NRXN3: variants seen among roughly 807,000 people sequenced by gnomAD.
NRXN3 encodes the protein neurexin III.
NRXN3 carries 32 observed loss-of-function variants against 137.6 expected under a neutral mutation model. The ratio of observed to expected loss-of-function variants is 0.23; its 90% CI spans 0.18 to 0.31. The LOEUF (loss-of-function observed/expected upper bound fraction) is 0.31, where lower values mean the gene tolerates loss of function less well. NRXN3 is among the 10% of genes least tolerant of loss of function. The pLI, the probability that NRXN3 is intolerant of heterozygous loss-of-function variation, is 1.00. For missense variants in NRXN3, 1,574 were observed against 2,062.5 expected (o/e 0.76, Z 4.59); for synonymous variants, 798 against 784.5 (o/e 1.02, Z -0.29).
intron 1 of NRXN3, among the ~76,000 whole-genome samples, chr14:78,215,619 T>C (rs1426281778): frequency 6.6e-6 from 1 of 152,116 alleles, no homozygotes; most frequent in Non-Finnish European, 1.5e-5. Flanking sequence ...TGGAGGTCTT[T>C]ATAAAGAGAA....
At chr14:79,039,719 C>A (rs369317006) in intron 15 of NRXN3, among the ~76,000 whole-genome samples, 1 of 152,092 alleles carries the variant, frequency 6.6e-6, no homozygotes, top group South Asian at 2.1e-4. Flanking sequence ...CAGGGTCTTG[C>A]TCTGTTGCCC....
intron 10 of NRXN3, among the ~76,000 whole-genome samples, chr14:78,950,831 G>A (rs1270228541): frequency 2.0e-5 from 3 of 152,104 alleles, no homozygotes. Flanking sequence ...GAAGCTGCCG[G>A]GAGCTGGTTA....
At chr14:78,256,576 G>A (rs74065961) in intron 2 of NRXN3, among the ~76,000 whole-genome samples, 17,249 of 152,186 alleles carry the variant, frequency 0.11, 1,744 homozygotes, top group African/African-American at 0.27. Flanking sequence ...TAGGGGGTGA[G>A]AAAGATTATT....
intron 19 of NRXN3, among the ~76,000 whole-genome samples, chr14:79,767,964 C>T (rs1399420678): frequency 5.3e-5 from 8 of 152,196 alleles, no homozygotes; most frequent in Non-Finnish European, 8.8e-5. Context: ...ACTCGGGAAG[C>T]GCAAGGGGTC....
chr14:78,693,137 C>T (rs1302625448), intron 6 of NRXN3, among the ~76,000 whole-genome samples: 1 of 151,946 alleles, frequency 6.6e-6, no homozygotes, highest in African/African-American at 2.4e-5. Flanking sequence ...AAGCATTTGG[C>T]ACAGTTCTTG....
At chr14:79,120,562 C>A (rs999600264) in intron 15 of NRXN3, among the ~76,000 whole-genome samples, 3 of 151,976 alleles carry the variant, frequency 2.0e-5, no homozygotes, top group African/African-American at 4.8e-5. Context: ...CATAGAAAAG[C>A]AGGGAGAGTG....
In NRXN3 at chr14:79,852,234, AACACACACACACAC is replaced by A. The variant is rs45581833; in HGVS notation, c.4094-9075_4094-9062del. On this transcript the variant is annotated intron_variant, in intron 20 of 20. Transcript: ENST00000335750. ...CAATACAGGTTCTAGTTCAACTCCC[AACACACACACACAC>A]ACACACACACACACACACACACACA... Among the ~76,000 whole-genome samples the A allele has an allele frequency of 4.5e-3, 580 of 128,264 alleles. 3 individuals are homozygous for A. Among genetic ancestry groups the A allele is most frequent in the African/African-American group, 0.015 (530 of 34,632 alleles). 84.1% of individuals were successfully genotyped at this position (128,264 alleles called of 152,430 possible).
chr14:78,368,166 A>C (rs2086262060), intron 4 of NRXN3, among the ~76,000 whole-genome samples: 2 of 152,234 alleles, frequency 1.3e-5, no homozygotes, highest in South Asian at 4.1e-4. Flanking sequence ...CTTATCCCCT[A>C]TCCCATTAAG....
At chr14:79,600,189 C>T (rs2097907567) in intron 16 of NRXN3, among the ~76,000 whole-genome samples, 3 of 152,138 alleles carry the variant, frequency 2.0e-5, no homozygotes. Flanking sequence ...GGTCTTTTAC[C>T]ATGATGCCAT....
intron 4 of NRXN3, among the ~76,000 whole-genome samples, chr14:78,413,766 G>C (rs1481457345): frequency 2.8e-5 from 4 of 144,130 alleles, no homozygotes; most frequent in African/African-American, 1.0e-4. Context: ...AGGTAAAGGA[G>C]ACCTGGAAGG....
At position 79,493,126 on chromosome 14, in the gene NRXN3, A is replaced by G. The variant is rs549379518; in HGVS notation, c.3444+25724A>G. On this transcript the variant is annotated intron_variant, in intron 16 of 20. Transcript: ENST00000335750. ...GGACACAGAAGTTGGCATTGTGAAG[A>G]TTTTTAAATTCTAGGACTAAATGGA... is the stretch of plus-strand genomic sequence containing the variant. 4.6e-5 allele frequency among the ~76,000 whole-genome samples: 7 copies of G among 152,326 alleles called. No individual in the cohort carries two copies. In the East Asian group the frequency reaches 1.4e-3, roughly 29 times the overall value.
At chr14:79,768,475 G>A (rs969338500) in intron 19 of NRXN3, among the ~76,000 whole-genome samples, 78 of 152,268 alleles carry the variant, frequency 5.1e-4, no homozygotes, top group African/African-American at 1.1e-3. Flanking sequence ...CCTGACCCCC[G>A]AGCAGCCTAA....
chr14:79,366,412 T>A (rs2153427137), intron 15 of NRXN3, among the ~76,000 whole-genome samples: 1 of 152,218 alleles, frequency 6.6e-6, no homozygotes, highest in East Asian at 1.9e-4. Context: ...ATTTTATTCA[T>A]TCTATCAATG....
intron 15 of NRXN3, among the ~76,000 whole-genome samples, chr14:79,003,174 G>C (rs532723568): frequency 1.3e-5 from 2 of 152,180 alleles, no homozygotes; most frequent in South Asian, 4.1e-4. Flanking sequence ...GCCTCTCCAA[G>C]AACATTCTGA....
At position 78,807,769 on chromosome 14, in the gene NRXN3, A is replaced by G. The variant is rs551882495; in HGVS notation, c.2249-2549A>G. Among the ~76,000 whole-genome samples, 97 of 12,356 alleles carry G rather than the reference A, an allele frequency of 7.9e-3. No homozygotes were observed. In the East Asian group the frequency reaches 0.13, roughly 17 times the overall value. The allele number at this position is 12,356 out of a possible 152,430, so 8.1% of individuals were successfully genotyped here. A position where few individuals can be genotyped will look rare whatever the true frequency, so the allele number is the denominator to read the frequency against. ...AAAAAAAAAAAAGAAAGAAAAGAAA[A>G]AGAAAGAGAAAGAAAGAAAAAAACT... On this transcript the variant is annotated intron_variant, in intron 9 of 20. Coordinates refer to ENST00000335750, the MANE Select transcript of NRXN3 (RefSeq NM_001330195.2).
At chr14:78,197,451 A>G (rs1189497603) in intron 1 of NRXN3, among the ~76,000 whole-genome samples, 1 of 152,106 alleles carries the variant, frequency 6.6e-6, no homozygotes, top group Non-Finnish European at 1.5e-5. Flanking sequence ...GCAATTGGGG[A>G]GGTTCTTGGT....
chr14:78,821,657 C>T (rs978419751), intron 10 of NRXN3, among the ~76,000 whole-genome samples: 2 of 151,392 alleles, frequency 1.3e-5, no homozygotes, highest in Admixed American at 6.6e-5. Context: ...GTACCTTTCC[C>T]ATCTCACAGA....
intron 4 of NRXN3, among the ~76,000 whole-genome samples, chr14:78,568,996 C>G (rs2096863388): frequency 1.7e-5 from 2 of 116,966 alleles, no homozygotes; most frequent in Non-Finnish European, 3.2e-5. Context: ...GAGACAGGGT[C>G]TCATTCTGTC....
At chr14:79,317,558 C>T (rs916098175) in intron 15 of NRXN3, among the ~76,000 whole-genome samples, 2 of 151,990 alleles carry the variant, frequency 1.3e-5, no homozygotes, top group Non-Finnish European at 1.5e-5. Context: ...GGTCACACTC[C>T]GAGGTACTGG....
Sources: allele counts gnomAD v4.1 joint callset (sites outside exome capture counted in the v4.1 genomes callset), GRCh38; gene constraint gnomAD v4.1.1; transcripts MANE v1.5; gene names NCBI Gene and HGNC (gene_info 2026-07-23, HGNC 2026-07-21).